ASPH: variants seen among roughly 807,000 people sequenced by gnomAD.
ASPH encodes the protein aspartyl/asparaginyl beta-hydroxylase.
A neutral mutation model predicts 118.4 loss-of-function variants in ASPH; 100 were observed. The observed-to-expected ratio is 0.84, with a 90% CI of 0.72 to 1.00. ASPH has a LOEUF of 1.00. ASPH is among the 50% of genes least tolerant of loss of function. The pLI is 0.00. For synonymous variants in ASPH, 315 were observed against 325.6 expected (o/e 0.97, Z 0.35); for missense variants, 920 against 919.5 (o/e 1.00, Z -0.01).
At chr8:61,704,451 G>A (rs2151889683) in intron 1 of ASPH, among the ~76,000 whole-genome samples, 1 of 151,848 alleles carries the variant, frequency 6.6e-6, no homozygotes, top group Middle Eastern at 3.4e-3. Context: ...GAAAATAAAA[G>A]AGGATAGCTT....
At chr8:61,638,993 G>C (rs1239832806) in intron 10 of ASPH, among the ~76,000 whole-genome samples, 1 of 152,172 alleles carries the variant, frequency 6.6e-6, no homozygotes. Flanking sequence ...CAGCATGGTT[G>C]TAAGTTTATT....
At chr8:61,693,980 C>T (rs1225737442) in intron 1 of ASPH, among the ~76,000 whole-genome samples, 1 of 152,180 alleles carries the variant, frequency 6.6e-6, no homozygotes. Flanking sequence ...AGGAACTGAA[C>T]ACAGCAGAGC....
chr8:61,572,594 T>C (rs1013067770), intron 16 of ASPH, among the ~76,000 whole-genome samples: 2 of 152,154 alleles, frequency 1.3e-5, no homozygotes, highest in African/African-American at 4.8e-5. Flanking sequence ...CCTCTGATGT[T>C]TTTACATCTA....
chr8:61,691,327 G>GTT (rs1455060263), intron 1 of ASPH, among the ~76,000 whole-genome samples: 1 of 152,204 alleles, frequency 6.6e-6, no homozygotes, highest in Non-Finnish European at 1.5e-5. Context: ...TTAGGACAGA[G>GTT]TGAAGTAGGT....
intron 13 of ASPH, among the ~76,000 whole-genome samples, chr8:61,622,211 G>C (rs1263488665): frequency 6.6e-6 from 1 of 152,140 alleles, no homozygotes; most frequent in Non-Finnish European, 1.5e-5. Flanking sequence ...GGTGGCACGT[G>C]CCTGTAGTCC....
intron 3 of ASPH, among the ~76,000 whole-genome samples, chr8:61,673,511 T>G (rs1823660332): frequency 6.6e-6 from 1 of 152,208 alleles, no homozygotes; most frequent in Admixed American, 6.5e-5. Context: ...ACGAAGCCTG[T>G]TCCACAGAGT....
chr8:61,707,251 AT>A (rs1836918051), intron 1 of ASPH, among the ~76,000 whole-genome samples: 1 of 151,798 alleles, frequency 6.6e-6, no homozygotes, highest in East Asian at 1.9e-4. Flanking sequence ...AAAAAAAAAA[AT>A]CTACCTATCA....
At chr8:61,685,493 A>T (rs1176281751) in intron 1 of ASPH, among the ~76,000 whole-genome samples, 3 of 152,140 alleles carry the variant, frequency 2.0e-5, no homozygotes, top group African/African-American at 7.2e-5. Context: ...GCCAAATTAC[A>T]CGATTTCAAA....
At chr8:61,698,571 T>C (rs1834480723) in intron 1 of ASPH, among the ~76,000 whole-genome samples, 2 of 152,342 alleles carry the variant, frequency 1.3e-5, no homozygotes, top group Non-Finnish European at 1.5e-5. Context: ...ATTACATCAA[T>C]GGTCACTAGT....
At chr8:61,644,871 CT>C (rs1379335510) in intron 6 of ASPH, among the ~76,000 whole-genome samples, 1 of 152,194 alleles carries the variant, frequency 6.6e-6, no homozygotes, top group Non-Finnish European at 1.5e-5. Flanking sequence ...CCACCACCCC[CT>C]GGACTAAAGA....
chr8:61,636,087 G>C (rs1422231745), intron 12 of ASPH, among the ~76,000 whole-genome samples: 1 of 152,100 alleles, frequency 6.6e-6, no homozygotes, highest in Non-Finnish European at 1.5e-5. Flanking sequence ...ATCTGCAACT[G>C]AAAGTAACTT....
intron 1 of ASPH, among the ~76,000 whole-genome samples, chr8:61,685,058 C>G (rs891518419): frequency 5.3e-5 from 8 of 152,106 alleles, no homozygotes; most frequent in Admixed American, 1.3e-4. Flanking sequence ...AGGGCGGTGT[C>G]TCCCATTTGT....
At chr8:61,533,064 G>C (rs1275952297) in intron 21 of ASPH, among the ~76,000 whole-genome samples, 1 of 150,692 alleles carries the variant, frequency 6.6e-6, no homozygotes, top group Non-Finnish European at 1.5e-5. Flanking sequence ...TTTCTATTCT[G>C]AACTATCTTC....
intron 4 of ASPH, among the ~76,000 whole-genome samples, chr8:61,651,757 A>T (rs1199174919): frequency 6.6e-6 from 1 of 152,266 alleles, no homozygotes; most frequent in Non-Finnish European, 1.5e-5. Flanking sequence ...ATTGAATTAC[A>T]AAAGTGAACA....
At chr8:61,505,166 G>A (rs1001801943) in intron 24 of ASPH, among the ~76,000 whole-genome samples, 5 of 152,120 alleles carry the variant, frequency 3.3e-5, no homozygotes, top group African/African-American at 1.2e-4. Context: ...TCCCGCTTTT[G>A]CATCTTCCTT....
chr8:61,691,922 T>A (rs1832750538), intron 1 of ASPH, among the ~76,000 whole-genome samples: 1 of 152,188 alleles, frequency 6.6e-6, no homozygotes, highest in African/African-American at 2.4e-5. Flanking sequence ...GGGTTTCTTC[T>A]CCTCTCTTTA....
intron 18 of ASPH, among the ~76,000 whole-genome samples, chr8:61,562,389 C>CTCTGTGTGTGTGTG (rs71257370): frequency 0.051 from 6,569 of 128,892 alleles, 323 homozygotes; most frequent in East Asian, 0.15. Context: ...GAAAGTGTGT[C>CTCTGTGTGTGTGTG]TGTGTGTGTG....
intron 22 of ASPH, among the ~76,000 whole-genome samples, chr8:61,520,275 T>C (rs1458487267): frequency 1.3e-5 from 2 of 152,226 alleles, no homozygotes; most frequent in Admixed American, 6.5e-5. Context: ...GTACACAATG[T>C]CATCTGCTCT....
chr8:61,628,318 C>T (rs961846616), intron 13 of ASPH: 3 of 348,190 alleles, frequency 8.6e-6, no homozygotes, highest in Admixed American at 8.0e-5. Flanking sequence ...TGACACCAAG[C>T]CCGGCTTTTT....
Sources: gnomAD v4.1 joint callset for allele counts (sites outside exome capture counted in the v4.1 genomes callset) on GRCh38, gnomAD v4.1.1 for gene constraint, MANE v1.5 for transcripts, NCBI Gene and HGNC (gene_info 2026-07-23, HGNC 2026-07-21) for gene names.